CAB39: variants seen among roughly 807,000 people sequenced by gnomAD.
CAB39 encodes calcium-binding protein 39.
Under a neutral mutation model 40.0 loss-of-function variants are expected in CAB39, and 8 were observed. The ratio of observed to expected loss-of-function variants is 0.20; its 90% CI spans 0.12 to 0.36. The LOEUF (loss-of-function observed/expected upper bound fraction) is 0.36, where lower values mean the gene tolerates loss of function less well. Among genes scored for constraint, CAB39 ranks in the 10% least tolerant of loss-of-function variants. The pLI, the probability that CAB39 is intolerant of heterozygous loss-of-function variation, is 1.00. For synonymous variants in CAB39, 156 were observed against 141.6 expected, an observed-to-expected ratio of 1.10 and a Z score of -0.72; for missense variants, 270 against 401.1, an observed-to-expected ratio of 0.67 and a Z score of 2.79.
intron 1 of CAB39, 32 bp downstream of exon 1, chr2:230,713,262 T>G (rs1694282912): frequency 6.6e-6 from 1 of 152,262 alleles, no homozygotes; most frequent in South Asian, 2.1e-4. Flanking sequence ...CTGCTCGTGG[T>G]GCGGACGCCT....
chr2:230,811,126 A>C (rs997912581), intron 6 of CAB39, among the ~76,000 whole-genome samples: 61 of 152,336 alleles, frequency 4.0e-4, no homozygotes, highest in South Asian at 1.7e-3. Flanking sequence ...TAGAAGAATG[A>C]CAATCCACTT....
In CAB39 at chr2:230,790,633, G is replaced by C. The variant is rs530273668; in HGVS notation, c.115-239G>C. On this transcript the variant is annotated intron_variant, in intron 2 of 8. Coordinates refer to ENST00000258418, the MANE Select transcript of CAB39 (RefSeq NM_016289.4). Reference sequence around the variant, plus strand: ...TAGATAAACATGGTTTTCAGTGTTTGGGTGTCTGTGTTGTGCACATGCTGG... The same window carrying C: ...TAGATAAACATGGTTTTCAGTGTTTCGGTGTCTGTGTTGTGCACATGCTGG... Among the ~76,000 whole-genome samples the C allele has an allele frequency of 4.6e-5, 7 of 152,254 alleles. No homozygotes were observed. The East Asian group carries it at 9.7e-4, about 21-fold the overall frequency.
At chr2:230,765,936 A>G (rs1168253015) in intron 2 of CAB39, among the ~76,000 whole-genome samples, 3 of 152,224 alleles carry the variant, frequency 2.0e-5, no homozygotes, top group Non-Finnish European at 4.4e-5. Flanking sequence ...TGAATTTATT[A>G]AAAATAAATT....
At chr2:230,754,675 T>C (rs773318208) in intron 1 of CAB39, among the ~76,000 whole-genome samples, 1 of 152,104 alleles carries the variant, frequency 6.6e-6, no homozygotes, top group Admixed American at 6.5e-5. Context: ...CGAACCACCA[T>C]GCACAGCTAA....
chr2:230,754,360 T>G (rs956076323), intron 1 of CAB39, among the ~76,000 whole-genome samples: 147 of 131,558 alleles, frequency 1.1e-3, no homozygotes, highest in African/African-American at 2.5e-3. Context: ...TTCCTCTTCT[T>G]CCGTCCCCTT....
chr2:230,757,568 G>A (rs1167725869), intron 1 of CAB39, among the ~76,000 whole-genome samples: 1 of 152,000 alleles, frequency 6.6e-6, no homozygotes, highest in African/African-American at 2.4e-5. Context: ...ACCAACTTTT[G>A]GTATGTGGTA....
At chr2:230,739,353 A>C (rs1694837486) in intron 1 of CAB39, among the ~76,000 whole-genome samples, 1 of 152,240 alleles carries the variant, frequency 6.6e-6, no homozygotes, top group Non-Finnish European at 1.5e-5. Context: ...TTAATTTGTT[A>C]GGGTATCTGT....
intron 4 of CAB39, among the ~76,000 whole-genome samples, chr2:230,797,947 T>C (rs1334373763): frequency 1.3e-5 from 2 of 151,920 alleles, no homozygotes; most frequent in South Asian, 4.1e-4. Context: ...GCATGCAGCT[T>C]GAGAGGAAGT....
At chr2:230,805,790 G>T (rs1696182064) in intron 5 of CAB39, among the ~76,000 whole-genome samples, 1 of 152,206 alleles carries the variant, frequency 6.6e-6, no homozygotes, top group Non-Finnish European at 1.5e-5. Context: ...ACAACCAGTT[G>T]TATGTTATAT....
chr2:230,749,826 G>A (rs1277691411), intron 1 of CAB39, among the ~76,000 whole-genome samples: 1 of 152,106 alleles, frequency 6.6e-6, no homozygotes, highest in Non-Finnish European at 1.5e-5. Context: ...GTGTAATTGC[G>A]GGCTTAGAAA....
chr2:230,737,451 C>CT (rs1694806495), intron 1 of CAB39, among the ~76,000 whole-genome samples: 1 of 152,140 alleles, frequency 6.6e-6, no homozygotes, highest in Non-Finnish European at 1.5e-5. Flanking sequence ...CACTATGAGT[C>CT]TGAGAGATTG....
intron 2 of CAB39, among the ~76,000 whole-genome samples, chr2:230,780,806 G>C (rs1396571833): frequency 1.3e-5 from 2 of 152,184 alleles, no homozygotes; most frequent in Non-Finnish European, 2.9e-5. Context: ...CTTGGAGCCA[G>C]GCTCAGTGGC....
At chr2:230,724,472 A>G (rs1694518977) in intron 1 of CAB39, among the ~76,000 whole-genome samples, 1 of 152,002 alleles carries the variant, frequency 6.6e-6, no homozygotes, top group African/African-American at 2.4e-5. Context: ...ACCTGAGGTC[A>G]GGAGTTCGAG....
chr2:230,793,395 A>G (rs1294134478), intron 4 of CAB39, 64 bp downstream of exon 4: 3 of 738,518 alleles, frequency 4.1e-6, no homozygotes, highest in African/African-American at 1.8e-5. Context: ...GCCTTGGGAA[A>G]AAAAACAGGA....
At chr2:230,787,846 G>A (rs1052493840) in intron 2 of CAB39, among the ~76,000 whole-genome samples, 4 of 152,192 alleles carry the variant, frequency 2.6e-5, no homozygotes, top group African/African-American at 7.2e-5. Context: ...TTATGTGGAA[G>A]AGAAGTTAAA....
chr2:230,799,169 C>CTGTACAGCATATGTACAGTATA, intron 5 of CAB39: 1 of 340,446 alleles, frequency 2.9e-6, no homozygotes. Context: ...GTATGGTATA[C>CTGTACAGCATATGTACAGTATA]TGTACAGCAT....
At chr2:230,805,442 A>G (rs535881845) in intron 5 of CAB39, among the ~76,000 whole-genome samples, 2 of 152,276 alleles carry the variant, frequency 1.3e-5, no homozygotes, top group Admixed American at 1.3e-4. Flanking sequence ...AGCAGTTTGG[A>G]AACTGTACCC....
intron 2 of CAB39, among the ~76,000 whole-genome samples, chr2:230,770,288 T>C (rs1695459479): frequency 6.6e-6 from 1 of 152,212 alleles, no homozygotes. Context: ...GAGAGATTCC[T>C]GTAGTGACAT....
chr2:230,754,058 T>G (rs1287022582), intron 1 of CAB39, among the ~76,000 whole-genome samples: 1 of 152,228 alleles, frequency 6.6e-6, no homozygotes. Context: ...GACATCAGTG[T>G]GTCTGGACCT....
Sources: allele counts gnomAD v4.1 joint callset (sites outside exome capture counted in the v4.1 genomes callset), GRCh38; gene constraint gnomAD v4.1.1; transcripts MANE v1.5; gene names NCBI Gene and HGNC (gene_info 2026-07-23, HGNC 2026-07-21).